Variants in MYO18B observed in about 807,000 individuals in gnomAD.
MYO18B encodes the protein unconventional myosin-XVIIIb.
A neutral mutation model predicts 273.0 loss-of-function variants in MYO18B; 204 were observed. The ratio of observed to expected loss-of-function variants is 0.75; its 90% CI spans 0.67 to 0.84. The LOEUF (loss-of-function observed/expected upper bound fraction) is 0.84, where lower values mean the gene tolerates loss of function less well. Ranked by LOEUF, MYO18B falls within the 40% of genes least tolerant of loss-of-function variation. The pLI is 0.00. For missense variants in MYO18B, 3,212 were observed against 3,287.6 expected (o/e 0.98, Z 0.56); for synonymous variants, 1,330 against 1,305.7 (o/e 1.02, Z -0.40).
intron 17 of MYO18B, among the ~76,000 whole-genome samples, chr22:25,842,335 C>T (rs984811245): frequency 2.0e-5 from 3 of 152,070 alleles, no homozygotes; most frequent in East Asian, 1.9e-4. Flanking sequence ...AAGATCGTTC[C>T]GAATAGATCC....
At chr22:25,945,722 C>CCA (rs2092697761) in intron 34 of MYO18B, among the ~76,000 whole-genome samples, 3 of 60,414 alleles carry the variant, frequency 5.0e-5, no homozygotes, top group African/African-American at 8.3e-5. Context: ...GCCTCCCCTC[C>CCA]CCTCCCCTCG....
Position 25,785,464 on chromosome 22 carries a change from C to G in MYO18B, c.2349C>G (p.Ser783Arg). 6.2e-7 allele frequency: 1 copy of G among 1,612,258 alleles called. No homozygotes were observed. Among genetic ancestry groups the G allele is most frequent in the Non-Finnish European group, 8.5e-7 (1 of 1,179,242 alleles). Reference sequence around the variant, plus strand: ...ACCTGCACCAGATGGCAGATAGCAGCTCCTTTGGCATGGGCGTGTGGTCCA... The same window carrying G: ...ACCTGCACCAGATGGCAGATAGCAGGTCCTTTGGCATGGGCGTGTGGTCCA... The part of the protein sequence containing the change: ...ELNLHQMADS[S>R]SFGMGVWSKP... The change falls in exon 11 of 44, where the codon AGC (serine) becomes AGG (arginine). Residue 783 changes from serine to arginine, a missense_variant. Ser to Arg is a moderately radical substitution (Grantham distance 110). Coordinates refer to ENST00000335473, the MANE Select transcript of MYO18B (RefSeq NM_032608.7).
chr22:26,005,591 G>A (rs1360770400), intron 42 of MYO18B, among the ~76,000 whole-genome samples: 2 of 152,078 alleles, frequency 1.3e-5, no homozygotes, highest in African/African-American at 4.8e-5. Flanking sequence ...CTTTTCAAGG[G>A]TGGCCCTCTT....
At chr22:25,782,590 T>TGGGC (rs1012116105) in intron 10 of MYO18B, among the ~76,000 whole-genome samples, 2 of 152,226 alleles carry the variant, frequency 1.3e-5, no homozygotes, top group Non-Finnish European at 2.9e-5. Flanking sequence ...GTTGGATGGA[T>TGGGC]GGGCATGGTC....
chr22:25,852,304 T>A (rs1379909659), intron 21 of MYO18B, among the ~76,000 whole-genome samples: 1 of 152,222 alleles, frequency 6.6e-6, no homozygotes, highest in Non-Finnish European at 1.5e-5. Context: ...TCCTCTTGTT[T>A]TGATGTTTAT....
chr22:25,841,010 A>C (rs1015653926), intron 17 of MYO18B, among the ~76,000 whole-genome samples: 1 of 152,240 alleles, frequency 6.6e-6, no homozygotes, highest in Non-Finnish European at 1.5e-5. Context: ...TAATGAGAAC[A>C]TTCAATCATC....
intron 40 of MYO18B, among the ~76,000 whole-genome samples, chr22:25,997,596 G>GA (rs544183257): frequency 1.3e-5 from 2 of 152,106 alleles, no homozygotes; most frequent in African/African-American, 2.4e-5. Flanking sequence ...GAAACTGGGG[G>GA]AAAAAATTGC....
In MYO18B at chr22:25,878,078, T is replaced by G. The variant is rs561982719; in HGVS notation, c.4314+30T>G. 34 of 1,521,834 alleles carry G rather than the reference T, an allele frequency of 2.2e-5. No homozygotes were observed. The East Asian group carries it at 5.1e-4, about 23-fold the overall frequency. 94.3% of individuals were successfully genotyped at this position (1,521,834 alleles called of 1,614,324 possible). ...CCCCATCCCTCCTCTTGGGTCCTTG[T>G]GGGGGGTCTTTATGTATGTGAGATC... On this transcript the variant is annotated intron_variant, in intron 25 of 43. Transcript: ENST00000335473.
intron 39 of MYO18B, among the ~76,000 whole-genome samples, chr22:25,987,530 A>G (rs894361130): frequency 2.0e-5 from 3 of 152,134 alleles, no homozygotes; most frequent in African/African-American, 7.2e-5. Flanking sequence ...AGAATGTATA[A>G]TTTATCCCTT....
rs181616642 is a variant in MYO18B at position 25,969,621 on chromosome 22, A to G, written c.6156+14257A>G. On this transcript the variant is annotated intron_variant, in intron 39 of 43. Coordinates refer to ENST00000335473, the MANE Select transcript of MYO18B (RefSeq NM_032608.7). ...TCCTTTACAGAAAAAAAAATCACTTACCTTTGCCCTAGAACATTGCTTAGC... is the reference window on the plus strand; with the variant it reads ...TCCTTTACAGAAAAAAAAATCACTTGCCTTTGCCCTAGAACATTGCTTAGC... Among the ~76,000 whole-genome samples the G allele has an allele frequency of 3.9e-5, 6 of 152,222 alleles. No homozygotes were observed. In the East Asian group the frequency reaches 1.2e-3, roughly 29 times the overall value.
intron 16 of MYO18B, among the ~76,000 whole-genome samples, chr22:25,834,821 T>C (rs1255873580): frequency 6.6e-6 from 1 of 152,206 alleles, no homozygotes; most frequent in East Asian, 1.9e-4. Context: ...GTGCTTTTTT[T>C]CTCCTCCCCA....
intron 12 of MYO18B, among the ~76,000 whole-genome samples, chr22:25,809,082 A>G (rs2088615509): frequency 1.3e-5 from 2 of 152,030 alleles, no homozygotes; most frequent in Admixed American, 6.6e-5. Flanking sequence ...AGCTGGGATT[A>G]CAGGTACCTG....
rs142414610 is a variant in MYO18B, at chr22:25,763,379, C to T, written c.188C>T (p.Pro63Leu). 3 of 1,610,754 alleles carry T rather than the reference C, an allele frequency of 1.9e-6. No homozygotes were observed. In the African/African-American group the frequency reaches 4.0e-5, roughly 22 times the overall value. The change falls in exon 3 of 44, where the codon CCA becomes CTA. Residue 63 changes from proline (P) to leucine (L), a missense_variant. Pro to Leu is a moderately conservative substitution (Grantham distance 98). Coordinates refer to ENST00000335473, the MANE Select transcript of MYO18B (RefSeq NM_032608.7). ...AGGAAGCAGTTAGCTGTCGCCTCTC[C>T]AGAACGAGAGGTAAGTGGTTCCTAA... ...RQRKQLAVAS[P>L]EREIPEISIS...
intron 33 of MYO18B, among the ~76,000 whole-genome samples, chr22:25,917,522 A>G (rs2092278254): frequency 7.5e-6 from 1 of 133,202 alleles, no homozygotes; most frequent in South Asian, 2.4e-4. Context: ...GACTTTTTCT[A>G]TTTCATTTTA....
chr22:25,905,375 C>T (rs1684940254), intron 31 of MYO18B, among the ~76,000 whole-genome samples: 1 of 152,198 alleles, frequency 6.6e-6, no homozygotes, highest in Non-Finnish European at 1.5e-5. Flanking sequence ...CTGCATCATG[C>T]ACTCTGTGGA....
At chr22:25,930,156 A>G (rs770578808) in intron 34 of MYO18B, among the ~76,000 whole-genome samples, 7 of 152,088 alleles carry the variant, frequency 4.6e-5, no homozygotes, top group Non-Finnish European at 7.4e-5. Context: ...CATTCTGTGA[A>G]ATTGACTTTG....
chr22:25,843,208 G>A (rs923511157), intron 17 of MYO18B, among the ~76,000 whole-genome samples: 4 of 152,074 alleles, frequency 2.6e-5, no homozygotes, highest in Admixed American at 6.6e-5. Flanking sequence ...TCTTGGAACC[G>A]ATGTGCCTGT....
rs549856684 is a variant in MYO18B, at chr22:26,027,568, C to T, written c.7594C>T (p.Arg2532Ter). The part of the protein sequence containing the change: ...DSIKSRPGIP[R>*]LAGDGGERTS... ...CATCAAAAGTCGACCAGGAATCCCA[C>T]GACTTGCGGGTGACGGTGGCGAGCG... Residue 2532 changes from arginine to a stop codon, truncating the protein, a stop_gained, in exon 43 of 44, where the codon CGA becomes TGA. Transcript: ENST00000335473. LOFTEE classifies it low-confidence loss of function (END_TRUNC). This position sits in a 1 kb window ranked among gnomAD's most constrained non-coding sequence, Gnocchi z 4.1. 39 of 1,613,984 alleles carry T rather than the reference C, an allele frequency of 2.4e-5. No individual in the cohort carries two copies. Among genetic ancestry groups the T allele is most frequent in the Admixed American group, 5.0e-5 (3 of 60,032 alleles).
Position 25,898,337 on chromosome 22 carries a change from G to T in MYO18B, c.4699G>T (p.Ala1567Ser). The change falls in exon 29 of 44, where the codon GCC becomes TCC. Residue 1567 changes from alanine to serine, a missense_variant. Coordinates refer to ENST00000335473, the MANE Select transcript of MYO18B (RefSeq NM_032608.7). ...GGAGTTGCAAAGTGCTTATGACGGG[G>T]CCAAGAAGATGGCTCACCAACTGAA... The part of the protein sequence containing the change: ...LGELQSAYDG[A>S]KKMAHQLKRK... The T allele has an allele frequency of 1.2e-6, 2 of 1,613,862 alleles. No homozygotes were observed. Among genetic ancestry groups the T allele is most frequent in the Non-Finnish European group, 1.7e-6 (2 of 1,179,834 alleles).
Sources: allele counts gnomAD v4.1 joint callset (sites outside exome capture counted in the v4.1 genomes callset), GRCh38; gene constraint gnomAD v4.1.1; non-coding constraint Gnocchi (gnomAD v3.1); transcripts MANE v1.5; gene names NCBI Gene and HGNC (gene_info 2026-07-23, HGNC 2026-07-21).